FAM81A: variants seen among roughly 807,000 people sequenced by gnomAD.
The protein encoded by FAM81A is protein FAM81A.
A neutral mutation model predicts 46.7 loss-of-function variants in FAM81A; 19 were observed. That is an observed-to-expected ratio of 0.41 (90% CI 0.28 to 0.60). FAM81A has a LOEUF of 0.60. FAM81A is among the 20% of genes least tolerant of loss of function. FAM81A has a pLI of 0.34. For synonymous variants in FAM81A, 183 were observed against 152.9 expected (o/e 1.20, Z -1.45); for missense variants, 377 against 453.5 (o/e 0.83, Z 1.53).
chr15:59,401,492 A>C lies in FAM81A; in HGVS notation c.-160-784A>C, dbSNP rs1005421222. Reference sequence around the variant, plus strand: ...GAAACGCAAGCCCATTGGCCTGATGAATCTTTCATACTTAGGTGGTATTCT... The same window carrying C: ...GAAACGCAAGCCCATTGGCCTGATGCATCTTTCATACTTAGGTGGTATTCT... On this transcript the variant is annotated intron_variant, in intron 1 of 4. Transcript: ENST00000558348. 5.3e-6 allele frequency: 4 copies of C among 754,608 alleles called. No individual in the cohort carries two copies. The African/African-American group carries it at 6.9e-5, about 13-fold the overall frequency. The allele number at this position is 754,608 out of a possible 1,614,324, so 46.7% of individuals were successfully genotyped here. A position where few individuals can be genotyped will look rare whatever the true frequency, so the allele number is the denominator to read the frequency against.
At chr15:59,451,557 A>G (rs1273434810) in intron 1 of FAM81A, among the ~76,000 whole-genome samples, 1 of 151,214 alleles carries the variant, frequency 6.6e-6, no homozygotes, top group Non-Finnish European at 1.5e-5. Flanking sequence ...GGTTCAAGTG[A>G]TTCTTCTGCC....
At chr15:59,477,392 G>A (rs1216636117) in intron 3 of FAM81A, among the ~76,000 whole-genome samples, 1 of 152,058 alleles carries the variant, frequency 6.6e-6, no homozygotes, top group Non-Finnish European at 1.5e-5. Flanking sequence ...CATCCCTGCA[G>A]GTGATTTTAT....
intron 1 of FAM81A, among the ~76,000 whole-genome samples, chr15:59,442,618 CAAAAAA>C (rs1196305104): frequency 1.3e-5 from 1 of 76,700 alleles, no homozygotes; most frequent in Non-Finnish European, 2.7e-5. Context: ...CTCCGTCTCT[CAAAAAA>C]AAAAAAAAAA....
At chr15:59,498,206 T>C (rs2082054551) in intron 4 of FAM81A, among the ~76,000 whole-genome samples, 1 of 152,256 alleles carries the variant, frequency 6.6e-6, no homozygotes, top group Non-Finnish European at 1.5e-5. Context: ...ATTTTGGTCA[T>C]CTTTAATATC....
At chr15:59,410,425 A>G (rs1388076709) in intron 2 of FAM81A, among the ~76,000 whole-genome samples, 7 of 152,222 alleles carry the variant, frequency 4.6e-5, no homozygotes, top group African/African-American at 1.7e-4. Context: ...CAGTCCACAC[A>G]AATAACTTAG....
intron 1 of FAM81A, among the ~76,000 whole-genome samples, chr15:59,443,632 A>C (rs1340107492): frequency 6.6e-6 from 1 of 152,132 alleles, no homozygotes; most frequent in Non-Finnish European, 1.5e-5. Context: ...TGATGACGTT[A>C]GTGCCATCAT....
intron 5 of FAM81A, among the ~76,000 whole-genome samples, chr15:59,508,513 T>C (rs2082172135): frequency 1.3e-5 from 2 of 152,200 alleles, no homozygotes; most frequent in South Asian, 4.1e-4. Flanking sequence ...TTCTATTTTC[T>C]ATGACGAGCC....
intron 3 of FAM81A, among the ~76,000 whole-genome samples, chr15:59,477,995 G>A (rs1344352186): frequency 1.3e-5 from 2 of 152,150 alleles, no homozygotes; most frequent in Admixed American, 6.5e-5. Flanking sequence ...AATTATACAT[G>A]TCTGGGTTAT....
At chr15:59,445,444 C>A (rs533301196) in intron 1 of FAM81A, 4 of 152,096 alleles carry the variant, frequency 2.6e-5, no homozygotes, top group Admixed American at 2.6e-4. Context: ...TTTCTTTTTT[C>A]CCCCATTTTT....
rs775038026 is a variant in FAM81A, at chr15:59,516,791, G to A, written c.933G>A (p.Glu311=). 1 of 1,611,902 alleles carries A rather than the reference G, an allele frequency of 6.2e-7. No individual in the cohort carries two copies. The highest frequency in any genetic ancestry group is 1.1e-5 in the South Asian group (1 of 90,688). ...EKMHGRITKL[E]LQMNQNIKEM... ...TGCACGGGCGAATCACCAAGCTGGAGTTACAGATGAACCAGAACATCAAGG... is the reference window on the plus strand; with the variant it reads ...TGCACGGGCGAATCACCAAGCTGGAATTACAGATGAACCAGAACATCAAGG... Residue 311 remains glutamate (E), a synonymous_variant, in exon 8 of 9, where the codon GAG becomes GAA. Transcript: ENST00000288228.
intron 6 of FAM81A, among the ~76,000 whole-genome samples, chr15:59,511,580 G>T (rs1415591123): frequency 1.3e-5 from 2 of 152,182 alleles, no homozygotes; most frequent in Non-Finnish European, 2.9e-5. Flanking sequence ...GACGTGTTCA[G>T]ACCCTAGAGA....
intron 2 of FAM81A, among the ~76,000 whole-genome samples, chr15:59,427,166 A>G (rs919285941): frequency 6.6e-6 from 1 of 152,076 alleles, no homozygotes. Context: ...GCTGGAGTGC[A>G]GTGGCCTGAT....
At chr15:59,453,110 A>G (rs1447292571) in intron 1 of FAM81A, among the ~76,000 whole-genome samples, 6 of 152,242 alleles carry the variant, frequency 3.9e-5, no homozygotes, top group South Asian at 4.1e-4. Context: ...AGATGTTCAT[A>G]AAGGGACATT....
At chr15:59,488,827 A>G (rs1178523223) in intron 3 of FAM81A, among the ~76,000 whole-genome samples, 1 of 151,962 alleles carries the variant, frequency 6.6e-6, no homozygotes, top group African/African-American at 2.4e-5. Flanking sequence ...AAATACGATA[A>G]AATAGCTGAG....
At chr15:59,428,063 C>T (rs181640158) in intron 2 of FAM81A, among the ~76,000 whole-genome samples, 43 of 152,258 alleles carry the variant, frequency 2.8e-4, no homozygotes, top group Admixed American at 6.5e-5. Flanking sequence ...TCTTTGCCAG[C>T]GTTTGTTATT....
intron 4 of FAM81A, among the ~76,000 whole-genome samples, chr15:59,500,599 G>A (rs983531607): frequency 5.3e-4 from 81 of 152,130 alleles, no homozygotes; most frequent in African/African-American, 1.9e-3. Flanking sequence ...ACCATGCCTG[G>A]CATCTTCTCT....
chr15:59,461,931 C>T (rs183666053), intron 3 of FAM81A, among the ~76,000 whole-genome samples: 470 of 152,196 alleles, frequency 3.1e-3, no homozygotes, highest in African/African-American at 0.01. Flanking sequence ...TGGCAGGGCG[C>T]GGTGGCTCAT....
chr15:59,401,508 G>A (rs1040191258), intron 1 of FAM81A: 5 of 748,774 alleles, frequency 6.7e-6, no homozygotes, highest in Non-Finnish European at 1.2e-5. Flanking sequence ...TCATACTTAG[G>A]TGGTATTCTT....
At chr15:59,402,726 G>C (rs1210561742) in intron 2 of FAM81A, among the ~76,000 whole-genome samples, 1 of 139,550 alleles carries the variant, frequency 7.2e-6, no homozygotes, top group Non-Finnish European at 1.6e-5. Flanking sequence ...GGGGTGGGGG[G>C]GATATTTAGT....
Sources: allele counts gnomAD v4.1 joint callset (sites outside exome capture counted in the v4.1 genomes callset), GRCh38; gene constraint gnomAD v4.1.1; transcripts MANE v1.5; gene names NCBI Gene and HGNC (gene_info 2026-07-23, HGNC 2026-07-21).